Variants in CLYBL observed in about 807,000 individuals in gnomAD.
The protein encoded by CLYBL is citramalyl-CoA lyase, also known as citramalyl-CoA lyase, mitochondrial.
Under a neutral mutation model 38.9 loss-of-function variants are expected in CLYBL, and 31 were observed. The ratio of observed to expected loss-of-function variants is 0.80; its 90% CI spans 0.60 to 1.08. The LOEUF (loss-of-function observed/expected upper bound fraction) is 1.08. Ranked by LOEUF, CLYBL falls within the 50% of genes least tolerant of loss-of-function variation. The pLI is 0.00. For synonymous variants in CLYBL, 171 were observed against 158.6 expected (o/e 1.08, Z -0.59); for missense variants, 434 against 411.6 (o/e 1.05, Z -0.47).
intron 3 of CLYBL, among the ~76,000 whole-genome samples, 153 bp from the exon 4 acceptor site, chr13:99,862,835 TTTC>T (rs1230977722): frequency 4.6e-5 from 7 of 152,178 alleles, no homozygotes; most frequent in Non-Finnish European, 7.4e-5. Flanking sequence ...TTCTTTGGAC[TTTC>T]TTCTTATTTT....
intron 1 of CLYBL, among the ~76,000 whole-genome samples, chr13:99,669,520 C>A (rs2047533890): frequency 6.6e-6 from 1 of 152,134 alleles, no homozygotes; most frequent in Non-Finnish European, 1.5e-5. Context: ...TTCCAAAGAA[C>A]CTTAGCTTTT....
intron 2 of CLYBL, among the ~76,000 whole-genome samples, chr13:99,809,521 C>T (rs2050298264): frequency 6.6e-6 from 1 of 152,238 alleles, no homozygotes; most frequent in Non-Finnish European, 1.5e-5. Flanking sequence ...AAGGCATTCC[C>T]CTTCTGTGAG....
intron 1 of CLYBL, among the ~76,000 whole-genome samples, chr13:99,681,286 A>G (rs746494986): frequency 4.6e-5 from 7 of 152,172 alleles, no homozygotes; most frequent in Non-Finnish European, 8.8e-5. Context: ...TAATTGCAAT[A>G]AAGTTGTGTA....
At chr13:99,730,695 G>T (rs947776683) in intron 1 of CLYBL, among the ~76,000 whole-genome samples, 12 of 152,128 alleles carry the variant, frequency 7.9e-5, no homozygotes, top group African/African-American at 2.9e-4. Flanking sequence ...TTGGCGGGAG[G>T]AGCATGGACA....
chr13:99,627,085 T>C (rs956629772), intron 1 of CLYBL, among the ~76,000 whole-genome samples: 1 of 151,796 alleles, frequency 6.6e-6, no homozygotes, highest in Admixed American at 6.6e-5. Context: ...GTAGTAAATA[T>C]TGTGATCATT....
downstream of CLYBL, chr13:99,895,491 C>A (rs1405050101): frequency 6.6e-6 from 1 of 152,224 alleles, no homozygotes; most frequent in Non-Finnish European, 1.5e-5. Context: ...CAGGACCAGA[C>A]CCCAGCATTT....
chr13:99,798,647 GT>G (rs1378199144), intron 2 of CLYBL, among the ~76,000 whole-genome samples: 1 of 152,032 alleles, frequency 6.6e-6, no homozygotes, highest in Non-Finnish European at 1.5e-5. Flanking sequence ...AATCCTTACC[GT>G]ATGTAAACAA....
In CLYBL at chr13:99,685,791, G is replaced by A. The variant is rs187148019; in HGVS notation, c.62+79034G>A. 2.1e-3 allele frequency among the ~76,000 whole-genome samples: 326 copies of A among 152,062 alleles called. 2 individuals are homozygous for A. Among genetic ancestry groups the A allele is most frequent in the African/African-American group, 7.2e-3 (298 of 41,484 alleles). Reference sequence around the variant, plus strand: ...AGCCTGGCCAACATGGTGAAACCCCGCCTCTACTAAAAATACAAAAATTAG... The same window carrying A: ...AGCCTGGCCAACATGGTGAAACCCCACCTCTACTAAAAATACAAAAATTAG... On this transcript the variant is annotated intron_variant, in intron 1 of 8. Transcript: ENST00000339105.
intron 1 of CLYBL, among the ~76,000 whole-genome samples, chr13:99,732,116 G>T (rs1394327431): frequency 6.7e-6 from 1 of 148,444 alleles, no homozygotes; most frequent in Non-Finnish European, 1.5e-5. Flanking sequence ...GTTCTTTAAA[G>T]ACTAGTGATT....
At chr13:99,900,796 A>T (rs2052633377), downstream of CLYBL, among the ~76,000 whole-genome samples, 1 of 152,188 alleles carries the variant, frequency 6.6e-6, no homozygotes, top group South Asian at 2.1e-4. Context: ...AATGAGAAAA[A>T]TAACAAAGCC....
exon 10 of CLYBL, among the ~76,000 whole-genome samples, chr13:99,909,282 T>C (rs182570094): frequency 7.8e-4 from 119 of 152,386 alleles, no homozygotes; most frequent in Non-Finnish European, 1.4e-3. Flanking sequence ...ACTTCACCTC[T>C]CTGGGCTTCA....
intron 4 of CLYBL, 29 bp downstream of exon 4, chr13:99,863,121 T>TTA (rs763484318): frequency 8.2e-7 from 1 of 1,226,134 alleles, no homozygotes; most frequent in Non-Finnish European, 1.2e-6. Flanking sequence ...GGTTAATAAG[T>TTA]TAGCATTTTA....
intron 2 of CLYBL, among the ~76,000 whole-genome samples, chr13:99,836,227 G>T (rs1190497277): frequency 6.6e-6 from 1 of 152,142 alleles, no homozygotes; most frequent in African/African-American, 2.4e-5. Context: ...GGGAGCGTTG[G>T]TTGGTGAGGC....
At chr13:99,617,461 A>G (rs1594084902) in intron 1 of CLYBL, among the ~76,000 whole-genome samples, 2 of 152,222 alleles carry the variant, frequency 1.3e-5, no homozygotes, top group African/African-American at 4.8e-5. Context: ...CTTTGTGAGA[A>G]GGTTGATATG....
At chr13:99,738,777 C>T (rs78129377) in intron 1 of CLYBL, among the ~76,000 whole-genome samples, 2,210 of 151,392 alleles carry the variant, frequency 0.015, 27 homozygotes, top group South Asian at 0.03. Flanking sequence ...TCGATAAATT[C>T]TTGTGAAAAG....
intron 1 of CLYBL, among the ~76,000 whole-genome samples, chr13:99,644,512 C>T (rs2047148539): frequency 1.3e-5 from 2 of 152,264 alleles, no homozygotes; most frequent in African/African-American, 4.8e-5. Context: ...GTGTTTCAAA[C>T]ATTCCAGTTA....
At chr13:99,843,991 G>A (rs559085481) in intron 2 of CLYBL, among the ~76,000 whole-genome samples, 32 of 152,322 alleles carry the variant, frequency 2.1e-4, no homozygotes, top group African/African-American at 7.7e-4. Context: ...GGATCATGTC[G>A]AGCATAAACA....
Position 99,611,152 on chromosome 13 carries a change from C to T in CLYBL, c.62+4395C>T, listed in dbSNP as rs376201932. 1.6e-4 allele frequency among the ~76,000 whole-genome samples: 24 copies of T among 152,284 alleles called. No homozygotes were observed. The South Asian group carries it at 3.7e-3, about 24-fold the overall frequency. ...AGGGATAGGGTAAACTAAACCCCCA[C>T]GACAATTGCTGTTCTTACTGAGATT... On this transcript the variant is annotated intron_variant, in intron 1 of 8. Coordinates refer to ENST00000339105, the MANE Select transcript of CLYBL (RefSeq NM_206808.5).
chr13:99,831,446 A>T (rs2050801132), intron 2 of CLYBL, among the ~76,000 whole-genome samples: 1 of 152,202 alleles, frequency 6.6e-6, no homozygotes, highest in African/African-American at 2.4e-5. Context: ...TAGCTAATGC[A>T]TGCTGGGCCT....
Sources: allele counts gnomAD v4.1 joint callset (sites outside exome capture counted in the v4.1 genomes callset), GRCh38; gene constraint gnomAD v4.1.1; transcripts MANE v1.5; gene names NCBI Gene and HGNC (gene_info 2026-07-23, HGNC 2026-07-21).